TTC28: variants seen among roughly 807,000 people sequenced by gnomAD.
TTC28 encodes tetratricopeptide repeat domain 28.
TTC28 carries 61 observed loss-of-function variants against 198.0 expected under a neutral mutation model. That is an observed-to-expected ratio of 0.31 (90% CI 0.25 to 0.38). The LOEUF is 0.38. Among genes scored for constraint, TTC28 ranks in the 10% least tolerant of loss-of-function variants. TTC28 has a pLI of 1.00. For missense variants in TTC28, 2,678 were observed against 3,164.0 expected (o/e 0.85, Z 3.69); for synonymous variants, 1,171 against 1,297.8 (o/e 0.90, Z 2.10).
At chr22:28,354,545 T>G (rs1490359788) in intron 2 of TTC28, among the ~76,000 whole-genome samples, 1 of 152,088 alleles carries the variant, frequency 6.6e-6, no homozygotes, top group Non-Finnish European at 1.5e-5. Context: ...GAGTCAGTAT[T>G]TAATGACTAG....
intron 2 of TTC28, among the ~76,000 whole-genome samples, chr22:28,601,938 C>A (rs537670771): frequency 4.5e-4 from 68 of 150,288 alleles, no homozygotes; most frequent in African/African-American, 1.6e-3. Context: ...CAAAGAGACA[C>A]CTGGCACAAG....
rs540928907 is a variant in TTC28, at chr22:28,369,383, T to C, written c.382-62740A>G. ...TGATAAATCATTAAACTATTGACTATAGTCTCCCTGTTGTATCATTAACAT... is the reference window on the plus strand; with the variant it reads ...TGATAAATCATTAAACTATTGACTACAGTCTCCCTGTTGTATCATTAACAT... On this transcript the variant is annotated intron_variant, in intron 2 of 22. Coordinates refer to ENST00000397906, the MANE Select transcript of TTC28 (RefSeq NM_001145418.2). 3.3e-5 allele frequency among the ~76,000 whole-genome samples: 5 copies of C among 152,304 alleles called. No individual in the cohort carries two copies. In the South Asian group the frequency reaches 1.0e-3, roughly 32 times the overall value.
chr22:28,396,934 C>T (rs2046827586), intron 2 of TTC28, among the ~76,000 whole-genome samples: 1 of 152,162 alleles, frequency 6.6e-6, no homozygotes, highest in South Asian at 2.1e-4. Flanking sequence ...AACTACCAGG[C>T]ACCAATACTC....
At chr22:28,044,447 C>CT (rs913363967) in intron 12 of TTC28, among the ~76,000 whole-genome samples, 13 of 152,132 alleles carry the variant, frequency 8.5e-5, no homozygotes, top group South Asian at 4.2e-4. Flanking sequence ...ATTTTCTTTT[C>CT]TTTTTTTTCT....
intron 2 of TTC28, among the ~76,000 whole-genome samples, chr22:28,513,796 T>C (rs1009604913): frequency 6.6e-6 from 1 of 152,088 alleles, no homozygotes; most frequent in Non-Finnish European, 1.5e-5. Context: ...GTTTCTTATA[T>C]GTATATATGT....
chr22:28,537,032 G>A (rs1040010263), intron 2 of TTC28, among the ~76,000 whole-genome samples: 7 of 151,756 alleles, frequency 4.6e-5, no homozygotes, highest in Non-Finnish European at 8.8e-5. Context: ...GGTGGCTCAC[G>A]CCTGTAATCC....
At chr22:28,324,462 C>G (rs1013833627) in intron 2 of TTC28, among the ~76,000 whole-genome samples, 1 of 152,012 alleles carries the variant, frequency 6.6e-6, no homozygotes, top group Non-Finnish European at 1.5e-5. Flanking sequence ...GCCAATAATC[C>G]CTGATGATCA....
At chr22:28,420,629 G>T (rs1047721946) in intron 2 of TTC28, among the ~76,000 whole-genome samples, 1 of 149,964 alleles carries the variant, frequency 6.7e-6, no homozygotes, top group South Asian at 2.1e-4. Context: ...ACAGAGTCTC[G>T]TTCTGTCGCC....
chr22:28,077,015 G>A (rs1474757967), intron 12 of TTC28, among the ~76,000 whole-genome samples: 1 of 152,116 alleles, frequency 6.6e-6, no homozygotes, highest in African/African-American at 2.4e-5. Flanking sequence ...CATCCTGCAG[G>A]TAATGTTTTA....
intron 2 of TTC28, among the ~76,000 whole-genome samples, chr22:28,518,520 G>T (rs2048836742): frequency 6.6e-6 from 1 of 152,262 alleles, no homozygotes; most frequent in Non-Finnish European, 1.5e-5. Flanking sequence ...GGAAGCTGAA[G>T]CAGGAGGATC....
intron 6 of TTC28, among the ~76,000 whole-genome samples, chr22:28,156,538 G>C (rs895035670): frequency 6.6e-6 from 1 of 152,198 alleles, no homozygotes; most frequent in African/African-American, 2.4e-5. Context: ...ACAGGAATAA[G>C]AAACTAAGGC....
At chr22:28,538,466 G>A (rs2049341114) in intron 2 of TTC28, among the ~76,000 whole-genome samples, 1 of 151,810 alleles carries the variant, frequency 6.6e-6, no homozygotes, top group South Asian at 2.1e-4. Flanking sequence ...CCTTTGAGAA[G>A]GAATTCTGAA....
intron 1 of TTC28, among the ~76,000 whole-genome samples, chr22:28,677,348 A>G (rs1190671136): frequency 6.6e-6 from 1 of 151,844 alleles, no homozygotes; most frequent in Non-Finnish European, 1.5e-5. Flanking sequence ...CCTCAATTTC[A>G]AAATATCACA....
At chr22:28,119,280 T>C (rs886136371) in intron 6 of TTC28, among the ~76,000 whole-genome samples, 6 of 152,208 alleles carry the variant, frequency 3.9e-5, no homozygotes, top group Non-Finnish European at 7.3e-5. Flanking sequence ...TTCTAGGGTA[T>C]TGGTATTATT....
intron 2 of TTC28, among the ~76,000 whole-genome samples, chr22:28,440,275 A>G (rs964571658): frequency 2.6e-5 from 4 of 152,162 alleles, no homozygotes; most frequent in Admixed American, 2.6e-4. Context: ...TAAGGTCCTC[A>G]TTGACACTGG....
At chr22:28,388,599 T>C (rs1424593824) in intron 2 of TTC28, among the ~76,000 whole-genome samples, 4 of 152,208 alleles carry the variant, frequency 2.6e-5, no homozygotes, top group East Asian at 3.8e-4. Context: ...TTTATTCTCT[T>C]TGAAGCAATT....
intron 1 of TTC28, among the ~76,000 whole-genome samples, chr22:28,646,184 A>T (rs996894424): frequency 6.6e-6 from 1 of 152,168 alleles, no homozygotes; most frequent in Non-Finnish European, 1.5e-5. Flanking sequence ...AACTCCTCCA[A>T]AGGACTCCTA....
Position 27,998,943 on chromosome 22 carries a change from G to T in TTC28, c.4716C>A (p.Ser1572=). 1 of 1,550,874 alleles carries T rather than the reference G, an allele frequency of 6.4e-7. No homozygotes were observed. Among genetic ancestry groups the T allele is most frequent in the Non-Finnish European group, 8.7e-7 (1 of 1,146,986 alleles). The part of the protein sequence containing the change: ...MDGNPASSKS[S]FGHPYTIPES... ...CAGGGATCGTGTAGGGGTGGCCGAAGGAGCTCTTGCTGCTGGCAGGGTTGC... is the reference window on the plus strand; with the variant it reads ...CAGGGATCGTGTAGGGGTGGCCGAATGAGCTCTTGCTGCTGGCAGGGTTGC... Residue 1572 remains serine (S), a synonymous_variant, in exon 16 of 23, where the codon TCC becomes TCA. Transcript: ENST00000397906.
In TTC28 at chr22:28,096,368, C is replaced by A. The variant is rs1446171968; in HGVS notation, c.3588G>T (p.Arg1196=). 1.9e-6 allele frequency: 3 copies of A among 1,551,880 alleles called. No individual in the cohort carries two copies. Among genetic ancestry groups the A allele is most frequent in the Non-Finnish European group, 2.6e-6 (3 of 1,147,078 alleles). The change falls in exon 11 of 23, where the codon CGG becomes CGT. Residue 1196 remains arginine, a synonymous_variant. Transcript: ENST00000397906. ...CCAGAAGATCAGCAAATGCCCTTGT[C>A]CGTCCCCTTTCTGCCACAGCCAGGG... ...DEALAVAERG[R]TRAFADLLVE... is the part of the protein sequence containing the mutation.
Sources: gnomAD v4.1 joint callset for allele counts (sites outside exome capture counted in the v4.1 genomes callset) on GRCh38, gnomAD v4.1.1 for gene constraint, MANE v1.5 for transcripts, NCBI Gene and HGNC (gene_info 2026-07-23, HGNC 2026-07-21) for gene names.